Variants in MPDZ observed in about 807,000 individuals in gnomAD.
MPDZ encodes multiple PDZ domain crumbs cell polarity complex component.
In MPDZ, 234 loss-of-function variants were observed where a neutral mutation model predicts 239.1. That is an observed-to-expected ratio of 0.98 (90% CI 0.88 to 1.09). MPDZ has a LOEUF of 1.09. MPDZ is among the 50% of genes least tolerant of loss of function. The pLI is 0.00. For synonymous variants in MPDZ, 1,048 were observed against 881.3 expected (o/e 1.19, Z -3.35); for missense variants, 3,175 against 2,510.0 (o/e 1.26, Z -5.66).
At chr9:13,246,793 T>C (rs1199081403) in intron 3 of MPDZ, among the ~76,000 whole-genome samples, 1 of 152,222 alleles carries the variant, frequency 6.6e-6, no homozygotes, top group Admixed American at 6.5e-5. Context: ...GAATATTTGC[T>C]AGCAAGTCAT....
chr9:13,216,427 T>C (rs1958353880), intron 10 of MPDZ, among the ~76,000 whole-genome samples: 1 of 150,274 alleles, frequency 6.7e-6, no homozygotes, highest in Non-Finnish European at 1.5e-5. Context: ...CATATTCCAA[T>C]ACCCTAAAGG....
chr9:13,116,036 G>C (rs183455378), intron 39 of MPDZ, among the ~76,000 whole-genome samples: 8 of 151,288 alleles, frequency 5.3e-5, no homozygotes, highest in East Asian at 3.9e-4. Context: ...CAGTGGAAGA[G>C]GTACTTAGAT....
At chr9:13,173,016 G>A (rs1951988489) in intron 21 of MPDZ, among the ~76,000 whole-genome samples, 1 of 152,190 alleles carries the variant, frequency 6.6e-6, no homozygotes, top group Non-Finnish European at 1.5e-5. Context: ...ATTATACACA[G>A]TCAAATATGG....
Position 13,119,646 on chromosome 9 carries a change from G to A in MPDZ, c.5235C>T (p.Asn1745=), listed in dbSNP as rs750354781. 2.2e-5 allele frequency: 36 copies of A among 1,613,542 alleles called. No individual in the cohort carries two copies. In the East Asian group the frequency reaches 3.3e-4, roughly 15 times the overall value. Residue 1745 remains asparagine, a synonymous_variant, in exon 39 of 47, where the codon AAC becomes AAT. Coordinates refer to ENST00000319217, the MANE Select transcript of MPDZ (RefSeq NM_001378778.1). ...GLGLSIVGKR[N]DTGVFVSDIV... ...TGTCTGACACAAATACTCCAGTATC[G>A]TTTCTACACACAATTTTGAATTTCA... is the stretch of plus-strand genomic sequence containing the variant.
At chr9:13,208,868 T>A (rs1957297526) in intron 10 of MPDZ, among the ~76,000 whole-genome samples, 1 of 152,102 alleles carries the variant, frequency 6.6e-6, no homozygotes, top group African/African-American at 2.4e-5. Context: ...TGAACATAAG[T>A]ATCTGGCTCT....
chr9:13,272,600 G>A lies in MPDZ; in HGVS notation c.-58+6800C>T, dbSNP rs143792389. On this transcript the variant is annotated intron_variant, in intron 1 of 46. Coordinates refer to ENST00000319217, the MANE Select transcript of MPDZ (RefSeq NM_001378778.1). ...AGGCCGAGCGTGGTGGCTCACTCCT[G>A]TAATCCCAACACTTTTGGAGGCTGA... 6.7e-5 allele frequency among the ~76,000 whole-genome samples: 10 copies of A among 149,946 alleles called. No individual in the cohort carries two copies. The East Asian group carries it at 2.0e-3, about 30-fold the overall frequency.
rs757220989 is a variant in MPDZ at position 13,126,700 on chromosome 9, C to G, written c.4537G>C (p.Glu1513Gln). ...LSGVIIKSLT[E>Q]HGVAATDGRL... ...CTCACCGTGGCTGCTACCCCATGCT[C>G]TGTTAAGCTCTTTATGATGACTCCA... Residue 1513 changes from glutamate to glutamine, a missense_variant, in exon 33 of 47, where the codon GAG becomes CAG. By Grantham distance (29) the Glu-to-Gln change is conservative (BLOSUM62 2). Coordinates refer to ENST00000319217, the MANE Select transcript of MPDZ (RefSeq NM_001378778.1). The G allele has an allele frequency of 3.7e-6, 6 of 1,613,858 alleles. No individual in the cohort carries two copies. The highest frequency in any genetic ancestry group is 5.1e-6 in the Non-Finnish European group (6 of 1,179,782).
chr9:13,112,505 C>A (rs1196386550), intron 42 of MPDZ, among the ~76,000 whole-genome samples: 1 of 152,190 alleles, frequency 6.6e-6, no homozygotes, highest in Non-Finnish European at 1.5e-5. Flanking sequence ...TAAGTCCACT[C>A]CACTCAATAA....
rs566392425 is a variant in MPDZ at position 13,121,935 on chromosome 9, G to A, written c.5038-3C>T. 6.8e-6 allele frequency: 11 copies of A among 1,612,112 alleles called. No individual in the cohort carries two copies. The highest frequency in any genetic ancestry group is 2.2e-5 in the East Asian group (1 of 44,838). On this transcript the variant is annotated splice_polypyrimidine_tract_variant and splice_region_variant and intron_variant, in intron 37 of 46. Coordinates refer to ENST00000319217, the MANE Select transcript of MPDZ (RefSeq NM_001378778.1). ...TTTCTCAAGTCAATTCCATTCACCT[G>A]TACAGAAATGGGACACTGACTGTAA...
chr9:13,232,195 A>C (rs899366645), intron 3 of MPDZ, among the ~76,000 whole-genome samples: 3 of 152,208 alleles, frequency 2.0e-5, no homozygotes, highest in African/African-American at 7.2e-5. Flanking sequence ...ATGAATCCAC[A>C]AATAAACCAT....
At chr9:13,125,475 C>G (rs968806428) in intron 34 of MPDZ, 85 bp from the exon 35 acceptor site, 58 of 1,232,160 alleles carry the variant, frequency 4.7e-5, no homozygotes, top group Admixed American at 8.2e-5. Context: ...TCAATGGAAT[C>G]TAATTCTCTC....
intron 12 of MPDZ, among the ~76,000 whole-genome samples, chr9:13,200,168 T>C (rs1219797895): frequency 3.9e-5 from 6 of 151,992 alleles, no homozygotes; most frequent in Admixed American, 3.9e-4. Flanking sequence ...TTTAATCTTA[T>C]AATCTCGGTA....
At chr9:13,213,591 G>T (rs1319463651) in intron 10 of MPDZ, among the ~76,000 whole-genome samples, 1 of 152,010 alleles carries the variant, frequency 6.6e-6, no homozygotes, top group Admixed American at 6.6e-5. Flanking sequence ...AGCATTGCAT[G>T]ATGTTCTCCA....
Position 13,110,758 on chromosome 9 carries a change from AAAC to A in MPDZ, c.5725-21_5725-19del, listed in dbSNP as rs1942322376. ...TCCCCAACCTGCAAGGGAGAGAAAG[AAAC>A]AGCCATCTGCTAAAGCAGCCATGGA... On this transcript the variant is annotated intron_variant, in intron 43 of 46. Transcript: ENST00000319217. 6.3e-7 allele frequency: 1 copy of A among 1,596,500 alleles called. No homozygotes were observed. The highest frequency in any genetic ancestry group is 8.6e-7 in the Non-Finnish European group (1 of 1,167,002).
At chr9:13,207,666 A>G (rs1208667537) in intron 10 of MPDZ, among the ~76,000 whole-genome samples, 2 of 152,146 alleles carry the variant, frequency 1.3e-5, no homozygotes, top group Non-Finnish European at 2.9e-5. Flanking sequence ...TCTTCCTCAT[A>G]GCATTTTTCA....
intron 32 of MPDZ, among the ~76,000 whole-genome samples, chr9:13,129,785 G>A (rs1003109050): frequency 6.6e-6 from 1 of 151,926 alleles, no homozygotes; most frequent in African/African-American, 2.4e-5. Context: ...TTCCCAGGCT[G>A]GTCTTGAATT....
chr9:13,265,764 T>G (rs942397517), intron 1 of MPDZ, among the ~76,000 whole-genome samples: 1 of 152,038 alleles, frequency 6.6e-6, no homozygotes, highest in Non-Finnish European at 1.5e-5. Flanking sequence ...TCGATGACAC[T>G]GGGGCAGAAC....
intron 29 of MPDZ, 35 bp from the exon 30 acceptor site, chr9:13,136,838 A>G (rs1946889837): frequency 1.5e-6 from 2 of 1,309,028 alleles, no homozygotes; most frequent in Admixed American, 4.0e-5. Flanking sequence ...TGGGCCTGAA[A>G]TCTTAGTATC....
At chr9:13,236,223 G>GTA (rs1426533807) in intron 3 of MPDZ, among the ~76,000 whole-genome samples, 1 of 94,420 alleles carries the variant, frequency 1.1e-5, no homozygotes, top group Non-Finnish European at 2.1e-5. Flanking sequence ...GTGTGTGTGT[G>GTA]TGTATATGTA....
Sources: allele counts gnomAD v4.1 joint callset (sites outside exome capture counted in the v4.1 genomes callset), GRCh38; gene constraint gnomAD v4.1.1; transcripts MANE v1.5; gene names NCBI Gene and HGNC (gene_info 2026-07-23, HGNC 2026-07-21).